PREX2: variants seen among roughly 807,000 people sequenced by gnomAD.
PREX2 encodes the protein phosphatidylinositol-3,4,5-trisphosphate dependent Rac exchange factor 2.
In PREX2, 107 loss-of-function variants were observed where a neutral mutation model predicts 203.2. That is an observed-to-expected ratio of 0.53 (90% CI 0.45 to 0.62). The LOEUF (loss-of-function observed/expected upper bound fraction) is 0.62. Among genes scored for constraint, PREX2 ranks in the 20% least tolerant of loss-of-function variants. The probability of loss-of-function intolerance (pLI) is 0.00; values close to 1 mark genes in which losing one functional copy is unlikely to be tolerated. For synonymous variants in PREX2, 672 were observed against 663.6 expected (o/e 1.01, Z -0.19); for missense variants, 1,777 against 1,955.9 (o/e 0.91, Z 1.72).
At chr8:67,968,069 A>AT (rs1208992441) in intron 1 of PREX2, among the ~76,000 whole-genome samples, 1 of 90,694 alleles carries the variant, frequency 1.1e-5, no homozygotes, top group Non-Finnish European at 2.1e-5. Context: ...AACTTAAAGT[A>AT]TAAAAAAAAA....
At position 68,157,437 on chromosome 8, in the gene PREX2, G is replaced by A. The variant is rs1229920429; in HGVS notation, c.4346+1G>A. ...TCAAACAGTACAACCAGAAGCTCAG[G>A]TATGTAACAATCCAACTGAAAAATA... On this transcript the variant is annotated splice_donor_variant, in intron 35 of 39. Coordinates refer to ENST00000288368, the MANE Select transcript of PREX2 (RefSeq NM_024870.4). LOFTEE classifies it high-confidence loss of function. The A allele has an allele frequency of 1.9e-6, 3 of 1,557,860 alleles. No individual in the cohort carries two copies. In the African/African-American group the frequency reaches 4.1e-5, roughly 21 times the overall value.
At chr8:68,026,098 G>A (rs551547687) in intron 4 of PREX2, among the ~76,000 whole-genome samples, 13 of 152,218 alleles carry the variant, frequency 8.5e-5, no homozygotes, top group Admixed American at 2.6e-4. Flanking sequence ...GATTGCAGTA[G>A]GGAGTGAAAC....
intron 1 of PREX2, among the ~76,000 whole-genome samples, chr8:67,971,857 C>T (rs958335522): frequency 2.0e-5 from 3 of 152,126 alleles, no homozygotes; most frequent in East Asian, 1.9e-4. Context: ...GTACTCCTGA[C>T]GTGGGAAAGG....
chr8:67,952,107 G>A lies in PREX2; in HGVS notation c.-288G>A. ...CCGAAGCCGCTTCCCCTCCAGCCCC[G>A]GCCGTGTGAGGCCAGAGCAGCGGGG... On this transcript the variant is annotated 5_prime_UTR_variant, in exon 1 of 40. Coordinates refer to ENST00000288368, the MANE Select transcript of PREX2 (RefSeq NM_024870.4). The A allele has an allele frequency of 3.3e-6, 1 of 303,892 alleles. No individual in the cohort carries two copies. The highest frequency in any genetic ancestry group is 5.7e-5 in the East Asian group (1 of 17,676). 18.8% of individuals were successfully genotyped at this position (303,892 alleles called of 1,614,324 possible).
chr8:68,115,021 C>CTTTTTTTTTTTTTTTTTTTTT (rs5892137), intron 25 of PREX2, among the ~76,000 whole-genome samples: 13 of 86,856 alleles, frequency 1.5e-4, no homozygotes, highest in Admixed American at 2.6e-4. Context: ...TCTTTTCTTT[C>CTTTTTTTTTTTTTTTTTTTTT]TTTTTTTTTT....
At chr8:68,016,208 C>T (rs528781523) in intron 1 of PREX2, among the ~76,000 whole-genome samples, 3 of 152,118 alleles carry the variant, frequency 2.0e-5, no homozygotes, top group South Asian at 2.1e-4. Flanking sequence ...CTACCCATTG[C>T]GTTTTGGTAA....
At chr8:68,190,704 T>C (rs1385366935) in intron 35 of PREX2, among the ~76,000 whole-genome samples, 4 of 152,024 alleles carry the variant, frequency 2.6e-5, no homozygotes, top group Non-Finnish European at 5.9e-5. Context: ...CATTATGTAA[T>C]ATATCCATGT....
chr8:68,024,087 T>C (rs1807645268), intron 4 of PREX2, among the ~76,000 whole-genome samples: 1 of 152,072 alleles, frequency 6.6e-6, no homozygotes, highest in Admixed American at 6.6e-5. Flanking sequence ...TTAAGTATGA[T>C]GTTTGCTATT....
chr8:67,982,911 T>G (rs896433290), intron 1 of PREX2, among the ~76,000 whole-genome samples: 1 of 152,248 alleles, frequency 6.6e-6, no homozygotes, highest in African/African-American at 2.4e-5. Flanking sequence ...GACCTCATGC[T>G]CATTCTGGCA....
intron 17 of PREX2, among the ~76,000 whole-genome samples, chr8:68,081,203 T>G (rs1256431372): frequency 6.6e-6 from 1 of 152,110 alleles, no homozygotes; most frequent in African/African-American, 2.4e-5. Context: ...CATTAGAGTG[T>G]CATAAGGTAT....
chr8:68,057,204 TTC>T (rs1215474690), intron 10 of PREX2, among the ~76,000 whole-genome samples: 1 of 152,160 alleles, frequency 6.6e-6, no homozygotes, highest in African/African-American at 2.4e-5. Flanking sequence ...TTCACTCGCC[TTC>T]TCTCACCTGC....
chr8:68,179,941 C>G (rs945959402), intron 35 of PREX2, among the ~76,000 whole-genome samples: 1 of 152,002 alleles, frequency 6.6e-6, no homozygotes. Flanking sequence ...TATCATTTAC[C>G]TCCTCACTGC....
chr8:67,964,254 G>T (rs566269970), intron 1 of PREX2, among the ~76,000 whole-genome samples: 1 of 152,140 alleles, frequency 6.6e-6, no homozygotes, highest in East Asian at 1.9e-4. Context: ...TCATCCCCAC[G>T]ACCAGATCTT....
In PREX2 at chr8:67,965,959, A is replaced by G. The variant is rs1378461570; in HGVS notation, c.141+13424A>G. Among the ~76,000 whole-genome samples, 3 of 152,178 alleles carry G rather than the reference A, an allele frequency of 2.0e-5. No individual in the cohort carries two copies. In the East Asian group the frequency reaches 5.8e-4, roughly 29 times the overall value. Reference sequence around the variant, plus strand: ...AGTGCGCTAATAATTCTCACATGTAAGTTGGGTCTTCTCTGTATCATTAAA... The same window carrying G: ...AGTGCGCTAATAATTCTCACATGTAGGTTGGGTCTTCTCTGTATCATTAAA... On this transcript the variant is annotated intron_variant, in intron 1 of 39. Transcript: ENST00000288368.
intron 1 of PREX2, among the ~76,000 whole-genome samples, chr8:67,987,152 CAAAAAAAA>C (rs57315665): frequency 1.8e-5 from 1 of 55,108 alleles, no homozygotes; most frequent in Non-Finnish European, 3.3e-5. Flanking sequence ...GACTTCATCT[CAAAAAAAA>C]AAAAAAAAAA....
At chr8:68,126,051 G>A (rs752817699) in intron 30 of PREX2, among the ~76,000 whole-genome samples, 48 of 152,030 alleles carry the variant, frequency 3.2e-4, no homozygotes, top group Non-Finnish European at 6.0e-4. Context: ...TTTCAGTGGG[G>A]CTTTCTAATC....
chr8:68,183,179 C>A (rs1812118411), intron 35 of PREX2, among the ~76,000 whole-genome samples: 1 of 152,004 alleles, frequency 6.6e-6, no homozygotes, highest in Non-Finnish European at 1.5e-5. Context: ...TTATGCTTTA[C>A]AAAGGTATTT....
intron 23 of PREX2, chr8:68,106,176 T>A: frequency 2.7e-6 from 1 of 367,802 alleles, no homozygotes; most frequent in South Asian, 2.2e-5. Context: ...AAGCATAACT[T>A]CCTATTATGG....
intron 35 of PREX2, among the ~76,000 whole-genome samples, chr8:68,173,001 C>T (rs190694394): frequency 5.3e-5 from 8 of 152,244 alleles, no homozygotes; most frequent in African/African-American, 1.4e-4. Context: ...ATCAATCACT[C>T]TCTTCTTTAA....
Sources: gnomAD v4.1 joint callset for allele counts (sites outside exome capture counted in the v4.1 genomes callset) on GRCh38, gnomAD v4.1.1 for gene constraint, MANE v1.5 for transcripts, NCBI Gene and HGNC (gene_info 2026-07-23, HGNC 2026-07-21) for gene names.